The following ADAMTS18 variants were observed in gnomAD, a reference collection of about 807,000 sequenced individuals.
The protein encoded by ADAMTS18 is ADAM metallopeptidase with thrombospondin type 1 motif 18.
ADAMTS18 carries 157 observed loss-of-function variants against 165.9 expected under a neutral mutation model. That is an observed-to-expected ratio of 0.95 (90% CI 0.83 to 1.08). The LOEUF (loss-of-function observed/expected upper bound fraction) is 1.08, where lower values mean the gene tolerates loss of function less well. ADAMTS18 is among the 50% of genes least tolerant of loss of function. The pLI is 0.00. For synonymous variants in ADAMTS18, 782 were observed against 578.2 expected, an observed-to-expected ratio of 1.35 and a Z score of -5.06; for missense variants, 2,040 against 1,534.0, an observed-to-expected ratio of 1.33 and a Z score of -5.51.
At chr16:77,343,600 G>C (rs966872666) in intron 10 of ADAMTS18, among the ~76,000 whole-genome samples, 25 of 152,244 alleles carry the variant, frequency 1.6e-4, no homozygotes, top group East Asian at 7.7e-4. Flanking sequence ...AGCTGGCCAG[G>C]AACAAAGGCA....
chr16:77,349,579 A>G (rs180797386), intron 10 of ADAMTS18, among the ~76,000 whole-genome samples: 2 of 151,200 alleles, frequency 1.3e-5, no homozygotes, highest in Admixed American at 1.3e-4. Flanking sequence ...AAAGTCATGA[A>G]TAACTATTGT....
Position 77,282,925 on chromosome 16 carries a change from T to TTTTTTTTTTTTTTC in ADAMTS18, c.*1030_*1031insGAAAAAAAAAAAAA. The TTTTTTTTTTTTTTC allele has an allele frequency of 8.0e-6, 1 of 125,476 alleles. No homozygotes were observed. The highest frequency in any genetic ancestry group is 1.8e-5 in the Non-Finnish European group (1 of 56,650). 7.8% of individuals were successfully genotyped at this position (125,476 alleles called of 1,614,324 possible). A position where few individuals can be genotyped will look rare whatever the true frequency, so the allele number is the denominator to read the frequency against. On this transcript the variant is annotated 3_prime_UTR_variant, in exon 23 of 23. Coordinates refer to ENST00000282849, the MANE Select transcript of ADAMTS18 (RefSeq NM_199355.4). Reference sequence around the variant, plus strand: ...TTCTCTCTTTTTTTTTTTTTTTTTTTTGCTGTTAGCTCAATCCTAGGGCAA... The same window carrying TTTTTTTTTTTTTTC: ...TTCTCTCTTTTTTTTTTTTTTTTTTTTTTTTTTTTTTTTCTGCTGTTAGCTCAATCCTAGGGCAA...
intron 10 of ADAMTS18, among the ~76,000 whole-genome samples, chr16:77,345,713 T>C (rs1368870368): frequency 6.6e-6 from 1 of 152,200 alleles, no homozygotes; most frequent in Non-Finnish European, 1.5e-5. Context: ...ACTGGTCACA[T>C]TTCAGGTTCA....
chr16:77,321,011 G>A lies in ADAMTS18; in HGVS notation c.2287+68C>T, dbSNP rs142440298. 965 of 1,598,622 alleles carry A rather than the reference G, an allele frequency of 6.0e-4. 10 individuals carry two copies. In the East Asian group the frequency reaches 0.014, roughly 23 times the overall value. On this transcript the variant is annotated intron_variant, in intron 15 of 22. Coordinates refer to ENST00000282849, the MANE Select transcript of ADAMTS18 (RefSeq NM_199355.4). The stretch of plus-strand genomic sequence containing the variant: ...AGTAAAAGGCTCAACCACATTTGGC[G>A]TGACTCAAACTTGTTTGGTAGCAAA...
At chr16:77,339,774 T>A (rs1243129262) in intron 11 of ADAMTS18, among the ~76,000 whole-genome samples, 1 of 152,130 alleles carries the variant, frequency 6.6e-6, no homozygotes, top group Non-Finnish European at 1.5e-5. Context: ...TCATTGGGAA[T>A]CCCTAAGACC....
intron 2 of ADAMTS18, chr16:77,433,557 T>C (rs1050086386): frequency 6.6e-6 from 1 of 152,166 alleles, no homozygotes; most frequent in African/African-American, 2.4e-5. Flanking sequence ...GAGGGGTGGT[T>C]TTAGAAACTG....
intron 15 of ADAMTS18, 130 bp from the exon 16 acceptor site, chr16:77,320,223 T>A: frequency 8.8e-7 from 1 of 1,134,180 alleles, no homozygotes; most frequent in South Asian, 1.3e-5. Flanking sequence ...AATTCATTCT[T>A]ACTCTATGAA....
chr16:77,342,909 A>T (rs1018020517), intron 10 of ADAMTS18, among the ~76,000 whole-genome samples: 5 of 152,094 alleles, frequency 3.3e-5, no homozygotes, highest in Non-Finnish European at 7.4e-5. Context: ...CAGAGAGATG[A>T]CAGCTTGAGA....
chr16:77,355,321 G>A (rs1424450289), intron 9 of ADAMTS18, among the ~76,000 whole-genome samples: 1 of 151,890 alleles, frequency 6.6e-6, no homozygotes, highest in Admixed American at 6.6e-5. Context: ...TAAGGTTTCT[G>A]TGTTATTAAA....
At chr16:77,325,203 T>G (rs2144649116) in intron 13 of ADAMTS18, among the ~76,000 whole-genome samples, 1 of 152,322 alleles carries the variant, frequency 6.6e-6, no homozygotes, top group African/African-American at 2.4e-5. Context: ...TTGATAAATC[T>G]AATGGATGGA....
chr16:77,419,798 A>C (rs898035411), intron 3 of ADAMTS18, among the ~76,000 whole-genome samples: 2 of 151,992 alleles, frequency 1.3e-5, no homozygotes, highest in African/African-American at 4.8e-5. Flanking sequence ...CAGGAGTTCG[A>C]GACCAGCCTG....
chr16:77,434,524 C>T lies in ADAMTS18; in HGVS notation c.91-19G>A. The T allele has an allele frequency of 6.5e-7, 1 of 1,546,306 alleles. No homozygotes were observed. Among genetic ancestry groups the T allele is most frequent in the Non-Finnish European group, 8.7e-7 (1 of 1,149,580 alleles). On this transcript the variant is annotated intron_variant, in intron 1 of 22. Coordinates refer to ENST00000282849, the MANE Select transcript of ADAMTS18 (RefSeq NM_199355.4). ...GGAGCGCCTGCAAGAGAAAAGGTGA[C>T]ATCGCGCGTGAGGGGCGCGGCGGGG... is the stretch of plus-strand genomic sequence containing the variant.
At chr16:77,307,773 C>T (rs1343299654) in intron 16 of ADAMTS18, among the ~76,000 whole-genome samples, 2 of 152,136 alleles carry the variant, frequency 1.3e-5, no homozygotes, top group Non-Finnish European at 2.9e-5. Context: ...ATCTCCCTTC[C>T]CTTACACTGA....
intron 12 of ADAMTS18, among the ~76,000 whole-genome samples, chr16:77,330,556 C>G (rs274530): frequency 6.6e-6 from 1 of 151,820 alleles, no homozygotes; most frequent in Non-Finnish European, 1.5e-5. Context: ...AGTTCTAACC[C>G]GATTGAGAAC....
At chr16:77,383,037 G>A (rs1252646388) in intron 3 of ADAMTS18, among the ~76,000 whole-genome samples, 1 of 152,122 alleles carries the variant, frequency 6.6e-6, no homozygotes, top group Non-Finnish European at 1.5e-5. Context: ...TATGGAATGT[G>A]GCATTATGCA....
At chr16:77,382,280 G>A (rs955502779) in intron 3 of ADAMTS18, among the ~76,000 whole-genome samples, 20 of 152,156 alleles carry the variant, frequency 1.3e-4, no homozygotes, top group African/African-American at 3.4e-4. Flanking sequence ...GCGCGATCTC[G>A]GCTCACTGCA....
At chr16:77,289,509 C>T (rs975357982) in intron 21 of ADAMTS18, 98 bp from the exon 22 acceptor site, 9 of 1,417,362 alleles carry the variant, frequency 6.3e-6, no homozygotes, top group Non-Finnish European at 7.9e-6. Context: ...TAACAAGATG[C>T]CTGCTGATGA....
chr16:77,291,536 C>T (rs1439238157), intron 20 of ADAMTS18, 58 bp from the exon 21 acceptor site: 5 of 1,557,020 alleles, frequency 3.2e-6, no homozygotes, highest in South Asian at 2.2e-5. Flanking sequence ...ATCTTCTGGA[C>T]AGAGGCAGTT....
intron 12 of ADAMTS18, among the ~76,000 whole-genome samples, chr16:77,335,185 C>G (rs532533056): frequency 6.7e-6 from 1 of 149,198 alleles, no homozygotes; most frequent in African/African-American, 2.5e-5. Flanking sequence ...TTTGCAGCAA[C>G]ATGAATGGAA....
Sources: gnomAD v4.1 joint callset for allele counts (sites outside exome capture counted in the v4.1 genomes callset) on GRCh38, gnomAD v4.1.1 for gene constraint, MANE v1.5 for transcripts, NCBI Gene and HGNC (gene_info 2026-07-23, HGNC 2026-07-21) for gene names.